Variants in MACIR observed in about 807,000 individuals in gnomAD.
The protein encoded by MACIR is macrophage immunometabolism regulator.
Under a neutral mutation model 14.3 loss-of-function variants are expected in MACIR, and 4 were observed. The observed-to-expected ratio is 0.28, with a 90% CI of 0.14 to 0.64. The LOEUF (loss-of-function observed/expected upper bound fraction) is 0.64, where lower values mean the gene tolerates loss of function less well. MACIR is among the 30% of genes least tolerant of loss of function. MACIR has a pLI of 0.83. For synonymous variants in MACIR, 101 were observed against 102.4 expected (o/e 0.99, Z 0.08); for missense variants, 228 against 257.6 (o/e 0.89, Z 0.79).
chr5:103,275,286 T>G (rs1805281724), intron 2 of MACIR, among the ~76,000 whole-genome samples: 1 of 152,164 alleles, frequency 6.6e-6, no homozygotes, highest in Non-Finnish European at 1.5e-5. Flanking sequence ...ATTTACAAGG[T>G]TTGGGGGAAC....
In MACIR at chr5:103,278,170, C is replaced by A. The variant is rs181389946; in HGVS notation, c.*1630C>A. Reference sequence around the variant, plus strand: ...GTTGTATATTTTAAAGTAAATTGCACCTTTGTAACATATTGTATTGACGAA... The same window carrying A: ...GTTGTATATTTTAAAGTAAATTGCAACTTTGTAACATATTGTATTGACGAA... On this transcript the variant is annotated 3_prime_UTR_variant, in exon 3 of 3. Transcript: ENST00000319933. 453 of 167,020 alleles carry A rather than the reference C, an allele frequency of 2.7e-3. 4 individuals are homozygous for A. Among genetic ancestry groups the A allele is most frequent in the Admixed American group, 5.8e-3 (88 of 15,284 alleles). The allele number at this position is 167,020 out of a possible 1,614,324, so 10.3% of individuals were successfully genotyped here. A position where few individuals can be genotyped will look rare whatever the true frequency, so the allele number is the denominator to read the frequency against.
Position 103,261,698 on chromosome 5 carries a change from CTTTCTTCCTTT to C in MACIR, c.-114+2803_-114+2813del, listed in dbSNP as rs1562545882. On this transcript the variant is annotated intron_variant, in intron 1 of 2. Coordinates refer to ENST00000319933, the MANE Select transcript of MACIR (RefSeq NM_033211.4). ...TCTTTCTTTCTTTCTTTCTTTCTTT[CTTTCTTCCTTT>C]CTTTCTTTCTTTCTTTCTTTTCTTT... Among the ~76,000 whole-genome samples, 567 of 113,406 alleles carry C rather than the reference CTTTCTTCCTTT, an allele frequency of 5.0e-3. 1 individual carries two copies. The highest frequency in any genetic ancestry group is 0.014 in the African/African-American group (402 of 27,754). 74.4% of individuals were successfully genotyped at this position (113,406 alleles called of 152,430 possible). A position where few individuals can be genotyped will look rare whatever the true frequency, so the allele number is the denominator to read the frequency against.
chr5:103,278,582 C>T lies in MACIR; in HGVS notation c.*2042C>T, dbSNP rs1805416128. ...TATGTATTCACCCTATTAGGAAACA[C>T]AACTGGTTACCTATGAGACCTGTTC... On this transcript the variant is annotated 3_prime_UTR_variant, in exon 3 of 3. Coordinates refer to ENST00000319933, the MANE Select transcript of MACIR (RefSeq NM_033211.4). 1 of 167,072 alleles carries T rather than the reference C, an allele frequency of 6.0e-6. No homozygotes were observed. Among genetic ancestry groups the T allele is most frequent in the Non-Finnish European group, 1.5e-5 (1 of 68,106 alleles). The allele number at this position is 167,072 out of a possible 1,614,324, so 10.3% of individuals were successfully genotyped here.
intron 1 of MACIR, among the ~76,000 whole-genome samples, chr5:103,260,930 TTGA>T (rs1308707209): frequency 1.3e-5 from 2 of 152,244 alleles, no homozygotes; most frequent in African/African-American, 4.8e-5. Flanking sequence ...CTGTTCCATT[TTGA>T]TGATACTTCC....
At chr5:103,268,722 A>G (rs1340094318) in intron 2 of MACIR, among the ~76,000 whole-genome samples, 2 of 152,186 alleles carry the variant, frequency 1.3e-5, no homozygotes, top group African/African-American at 4.8e-5. Flanking sequence ...AGCTCCTTGC[A>G]TGATTCTGGT....
At chr5:103,271,403 C>T in intron 2 of MACIR, among the ~76,000 whole-genome samples, 1 of 152,080 alleles carries the variant, frequency 6.6e-6, no homozygotes, top group East Asian at 1.9e-4. Context: ...CGTGCTTATC[C>T]TGGTGCACCA....
rs1376016438 is a variant in MACIR, at chr5:103,277,379, T to C, written c.*839T>C. 6.0e-6 allele frequency: 1 copy of C among 167,076 alleles called. No individual in the cohort carries two copies. Among genetic ancestry groups the C allele is most frequent in the Non-Finnish European group, 1.5e-5 (1 of 68,108 alleles). 10.3% of individuals were successfully genotyped at this position (167,076 alleles called of 1,614,324 possible). ...ACCTGGAACTTTAAATGGGAAAGGA[T>C]TCTTTTAATTGTGGATTATAGGCAT... On this transcript the variant is annotated 3_prime_UTR_variant, in exon 3 of 3. Transcript: ENST00000319933.
chr5:103,260,529 C>G (rs1804642402), intron 1 of MACIR, among the ~76,000 whole-genome samples: 1 of 152,090 alleles, frequency 6.6e-6, no homozygotes. Flanking sequence ...TTAATGAATA[C>G]AGAGACCTGT....
chr5:103,268,990 A>G (rs1348811280), intron 2 of MACIR, among the ~76,000 whole-genome samples: 1 of 152,016 alleles, frequency 6.6e-6, no homozygotes, highest in Non-Finnish European at 1.5e-5. Context: ...GACATTAAGG[A>G]GGGAGGATTG....
Position 103,276,350 on chromosome 5 carries a change from A to G in MACIR, c.431A>G (p.Glu144Gly). The G allele has an allele frequency of 6.2e-7, 1 of 1,613,298 alleles. No homozygotes were observed. The highest frequency in any genetic ancestry group is 8.5e-7 in the Non-Finnish European group (1 of 1,179,882). Reference sequence around the variant, plus strand: ...AAGTGCACTAAATCTTTACCTTATGAACCTTACAAGGCCCTCCATGGGCCT... The same window carrying G: ...AAGTGCACTAAATCTTTACCTTATGGACCTTACAAGGCCCTCCATGGGCCT... ...GDKCTKSLPYEPYKALHGPLP... is the reference protein window; with the variant it reads ...GDKCTKSLPYGPYKALHGPLP... Residue 144 changes from glutamate to glycine, a missense_variant, in exon 3 of 3, where the codon GAA becomes GGA. Physicochemically the swap from Glu to Gly is moderately conservative, Grantham distance 98. Coordinates refer to ENST00000319933, the MANE Select transcript of MACIR (RefSeq NM_033211.4).
rs1805349331 is a variant in MACIR, at chr5:103,276,713, T to C, written c.*173T>C. On this transcript the variant is annotated 3_prime_UTR_variant, in exon 3 of 3. Coordinates refer to ENST00000319933, the MANE Select transcript of MACIR (RefSeq NM_033211.4). ...TTGAATACAGGAATGAAATCACAGG[T>C]ACTTGGGGGGGGGATATCATTCTAG... is the stretch of plus-strand genomic sequence containing the variant. 1.9e-6 allele frequency: 1 copy of C among 527,384 alleles called. No individual in the cohort carries two copies. Among genetic ancestry groups the C allele is most frequent in the Admixed American group, 3.7e-5 (1 of 27,176 alleles). The allele number at this position is 527,384 out of a possible 1,614,324, so 32.7% of individuals were successfully genotyped here.
chr5:103,258,597 G>A (rs1021107473), upstream of MACIR: 2 of 152,498 alleles, frequency 1.3e-5, no homozygotes, highest in East Asian at 3.9e-4. Flanking sequence ...CCCTTCCTCC[G>A]GGTGTCTGAG....
upstream of MACIR, among the ~76,000 whole-genome samples, chr5:103,258,507 CCCA>C (rs1804535931): frequency 6.6e-6 from 1 of 152,110 alleles, no homozygotes; most frequent in South Asian, 2.1e-4. Flanking sequence ...ACTCCTCCTC[CCCA>C]CCACCAGTCA....
At chr5:103,260,227 T>TC (rs1804629724) in intron 1 of MACIR, among the ~76,000 whole-genome samples, 1 of 152,136 alleles carries the variant, frequency 6.6e-6, no homozygotes, top group South Asian at 2.1e-4. Flanking sequence ...TTTCCTTTTT[T>TC]TTTTTTTTCC....
chr5:103,277,646 T>C lies in MACIR; in HGVS notation c.*1106T>C, dbSNP rs1395634889. ...GTTAATCCTGGATTACTTAACAATT[T>C]ATGTCAATTGCACTGGTTTAATTTG... On this transcript the variant is annotated 3_prime_UTR_variant, in exon 3 of 3. Coordinates refer to ENST00000319933, the MANE Select transcript of MACIR (RefSeq NM_033211.4). 3 of 167,054 alleles carry C rather than the reference T, an allele frequency of 1.8e-5. No individual in the cohort carries two copies. Among genetic ancestry groups the C allele is most frequent in the African/African-American group, 4.8e-5 (2 of 41,444 alleles). The allele number at this position is 167,054 out of a possible 1,614,324, so 10.3% of individuals were successfully genotyped here.
Position 103,278,271 on chromosome 5 carries a change from G to T in MACIR, c.*1731G>T, listed in dbSNP as rs1805407208. On this transcript the variant is annotated 3_prime_UTR_variant, in exon 3 of 3. Coordinates refer to ENST00000319933, the MANE Select transcript of MACIR (RefSeq NM_033211.4). ...AGAATCCTGTCAGATGCCAAAGAGT[G>T]GGATTTTTATGTTTAATGATTAAAC... The T allele has an allele frequency of 6.0e-6, 1 of 166,460 alleles. No individual in the cohort carries two copies. The highest frequency in any genetic ancestry group is 2.4e-5 in the African/African-American group (1 of 41,414). 10.3% of individuals were successfully genotyped at this position (166,460 alleles called of 1,614,324 possible).
chr5:103,275,493 G>T (rs1288712640), intron 2 of MACIR, among the ~76,000 whole-genome samples: 1 of 152,164 alleles, frequency 6.6e-6, no homozygotes, highest in Non-Finnish European at 1.5e-5. Flanking sequence ...GAAATATTTT[G>T]TGTGTTCTTA....
chr5:103,274,869 C>T (rs1805262750), intron 2 of MACIR, among the ~76,000 whole-genome samples: 1 of 152,110 alleles, frequency 6.6e-6, no homozygotes, highest in Non-Finnish European at 1.5e-5. Flanking sequence ...AATTAAAAAG[C>T]AAGTACAAAT....
intron 2 of MACIR, among the ~76,000 whole-genome samples, chr5:103,275,295 A>G (rs1304340617): frequency 2.6e-5 from 4 of 152,168 alleles, no homozygotes; most frequent in African/African-American, 9.7e-5. Flanking sequence ...GTTTGGGGGA[A>G]CCTTCCCCTA....
Sources: gnomAD v4.1 joint callset for allele counts (sites outside exome capture counted in the v4.1 genomes callset) on GRCh38, gnomAD v4.1.1 for gene constraint, MANE v1.5 for transcripts, NCBI Gene and HGNC (gene_info 2026-07-23, HGNC 2026-07-21) for gene names.